PYGL: variants seen among roughly 807,000 people sequenced by gnomAD.
The protein encoded by PYGL is glycogen phosphorylase L, also known as glycogen phosphorylase, liver form.
Under a neutral mutation model 100.1 loss-of-function variants are expected in PYGL, and 90 were observed. The ratio of observed to expected loss-of-function variants is 0.90; its 90% CI spans 0.76 to 1.07. PYGL has a LOEUF of 1.07. Ranked by LOEUF, PYGL falls within the 50% of genes least tolerant of loss-of-function variation. The probability of loss-of-function intolerance (pLI) is 0.00; values close to 1 mark genes in which losing one functional copy is unlikely to be tolerated. For missense variants in PYGL, 1,016 were observed against 1,057.6 expected (o/e 0.96, Z 0.55); for synonymous variants, 373 against 393.0 (o/e 0.95, Z 0.60).
intron 3 of PYGL, among the ~76,000 whole-genome samples, chr14:50,932,236 A>T (rs2050608188): frequency 6.6e-6 from 1 of 152,194 alleles, no homozygotes; most frequent in Non-Finnish European, 1.5e-5. Context: ...ACTGACTGAC[A>T]AGATATTCTG....
At chr14:50,913,219 C>T (rs1454641038) in intron 12 of PYGL, 89 bp from the exon 13 acceptor site, 1 of 1,031,020 alleles carries the variant, frequency 9.7e-7, no homozygotes, top group East Asian at 2.5e-5. Flanking sequence ...TCTCTGTCAC[C>T]TACCACAGTG....
rs2050733375 is a variant in PYGL, at chr14:50,944,453, G to C, written c.-50C>G. The stretch of plus-strand genomic sequence containing the variant: ...GGGCTGCGCAGAGAGCTGGAAGTGC[G>C]GCCGGAGGCGCTGGGCTGCCGGGCA... On this transcript the variant is annotated 5_prime_UTR_variant, in exon 1 of 20. Transcript: ENST00000216392. The C allele has an allele frequency of 1.3e-6, 2 of 1,545,460 alleles. No individual in the cohort carries two copies. The highest frequency in any genetic ancestry group is 1.7e-6 in the Non-Finnish European group (2 of 1,148,962).
At chr14:50,914,496 CAAT>C (rs58316457) in intron 12 of PYGL, among the ~76,000 whole-genome samples, 18 of 148,522 alleles carry the variant, frequency 1.2e-4, no homozygotes, top group South Asian at 2.2e-4. Flanking sequence ...AACTCTGTCT[CAAT>C]AATAATAATA....
intron 4 of PYGL, among the ~76,000 whole-genome samples, chr14:50,927,579 G>A (rs1258099709): frequency 6.6e-6 from 1 of 152,166 alleles, no homozygotes; most frequent in African/African-American, 2.4e-5. Flanking sequence ...GCCATCAAAT[G>A]TTGGTTGAAT....
At chr14:50,943,840 T>C (rs899160595) in intron 1 of PYGL, among the ~76,000 whole-genome samples, 1 of 152,186 alleles carries the variant, frequency 6.6e-6, no homozygotes, top group East Asian at 1.9e-4. Context: ...GAGTCAAAGT[T>C]CCAAAAAAGT....
At position 50,934,122 on chromosome 14, in the gene PYGL, G is replaced by A. The variant is rs117787218; in HGVS notation, c.424+985C>T. 6.9e-3 allele frequency among the ~76,000 whole-genome samples: 1,048 copies of A among 152,132 alleles called. 6 individuals carry two copies. The highest frequency in any genetic ancestry group is 0.012 in the Non-Finnish European group (795 of 67,998). Reference sequence around the variant, plus strand: ...GTGTATTTTCTAAACTAATGGAGCTGGTATTGTATTTTTAGTGCTTTCCTA... The same window carrying A: ...GTGTATTTTCTAAACTAATGGAGCTAGTATTGTATTTTTAGTGCTTTCCTA... On this transcript the variant is annotated intron_variant, in intron 3 of 19. Coordinates refer to ENST00000216392, the MANE Select transcript of PYGL (RefSeq NM_002863.5).
intron 17 of PYGL, among the ~76,000 whole-genome samples, chr14:50,909,666 A>G (rs906026831): frequency 9.2e-5 from 14 of 152,246 alleles, no homozygotes; most frequent in Admixed American, 9.2e-4. Flanking sequence ...GCAATGGCCG[A>G]TAACAAATAG....
In PYGL at chr14:50,921,081, C is replaced by A. The variant is rs776992536; in HGVS notation, c.661-14G>T. ...AGCCAGGACCACCTGTGGGATTAAA[C>A]AGAAGCAGCTGCTCATTGTTTCCCA... On this transcript the variant is annotated splice_polypyrimidine_tract_variant and intron_variant, in intron 5 of 19. Coordinates refer to ENST00000216392, the MANE Select transcript of PYGL (RefSeq NM_002863.5). 2.5e-6 allele frequency: 4 copies of A among 1,582,000 alleles called. No individual in the cohort carries two copies. In the African/African-American group the frequency reaches 4.0e-5, roughly 16 times the overall value.
intron 19 of PYGL, among the ~76,000 whole-genome samples, chr14:50,907,559 G>A (rs2050346966): frequency 6.6e-6 from 1 of 152,120 alleles, no homozygotes; most frequent in African/African-American, 2.4e-5. Flanking sequence ...GCTCCTTGAG[G>A]GAGGGGAGGG....
chr14:50,940,632 C>T (rs190353995), intron 1 of PYGL, among the ~76,000 whole-genome samples: 4 of 152,298 alleles, frequency 2.6e-5, no homozygotes, highest in African/African-American at 9.6e-5. Context: ...TGGCCATACT[C>T]TTACTTACTG....
chr14:50,919,637 T>C (rs1479166089), intron 7 of PYGL, among the ~76,000 whole-genome samples: 1 of 151,806 alleles, frequency 6.6e-6, no homozygotes, highest in East Asian at 1.9e-4. Context: ...CAAGAATCAA[T>C]AGCAGTTATC....
At position 50,914,819 on chromosome 14, in the gene PYGL, G is replaced by C; in HGVS notation, c.1404-4C>G. 6.2e-7 allele frequency: 1 copy of C among 1,600,828 alleles called. No homozygotes were observed. Among genetic ancestry groups the C allele is most frequent in the South Asian group, 1.1e-5 (1 of 90,776 alleles). On this transcript the variant is annotated splice_region_variant and splice_polypyrimidine_tract_variant and intron_variant, in intron 11 of 19. Transcript: ENST00000216392. ...TAGCTCACTGAAGTCCTTGAATCTG[G>C]AGATGGAGGAGACACATCACTGAAT...
intron 7 of PYGL, among the ~76,000 whole-genome samples, chr14:50,919,401 A>T (rs1416327370): frequency 4.6e-5 from 7 of 152,198 alleles, no homozygotes; most frequent in African/African-American, 1.7e-4. Flanking sequence ...AGCAAAATCC[A>T]CATAATCATC....
chr14:50,941,298 C>T (rs961245181), intron 1 of PYGL, among the ~76,000 whole-genome samples: 16 of 151,984 alleles, frequency 1.1e-4, no homozygotes, highest in East Asian at 5.8e-4. Flanking sequence ...TGACCACAGG[C>T]GCTAAAAATT....
intron 1 of PYGL, among the ~76,000 whole-genome samples, chr14:50,939,122 CCT>C (rs1366096919): frequency 2.0e-5 from 3 of 152,176 alleles, no homozygotes; most frequent in African/African-American, 7.2e-5. Context: ...CTCACTGCAA[CCT>C]CTGTCTCCTA....
chr14:50,943,088 A>AT (rs947496036), intron 1 of PYGL, among the ~76,000 whole-genome samples: 16 of 151,158 alleles, frequency 1.1e-4, no homozygotes, highest in South Asian at 2.1e-4. Flanking sequence ...ATTATAGACC[A>AT]TTTTTTTTTC....
rs780893472 is a variant in PYGL, at chr14:50,912,146, G to T, written c.1768+10C>A. 7.4e-6 allele frequency: 12 copies of T among 1,614,082 alleles called. No individual in the cohort carries two copies. Among genetic ancestry groups the T allele is most frequent in the Non-Finnish European group, 1.0e-5 (12 of 1,180,060 alleles). On this transcript the variant is annotated intron_variant, in intron 14 of 19. Transcript: ENST00000216392. The stretch of plus-strand genomic sequence containing the variant: ...TGCAAGGGGGCTTGTTGGCTACAGG[G>T]CTGACTCACGGTTGTACATCGTGAT...
chr14:50,931,563 C>T, intron 4 of PYGL, 110 bp downstream of exon 4: 4 of 1,021,024 alleles, frequency 3.9e-6, no homozygotes, highest in Non-Finnish European at 6.0e-6. Context: ...AACCAAATGC[C>T]AGAGAAATTA....
intron 3 of PYGL, among the ~76,000 whole-genome samples, chr14:50,934,371 A>G (rs927043972): frequency 7.2e-5 from 11 of 152,188 alleles, no homozygotes; most frequent in Admixed American, 7.2e-4. Flanking sequence ...ATAAAACAAC[A>G]GCAACTTAAC....
Sources: allele counts gnomAD v4.1 joint callset (sites outside exome capture counted in the v4.1 genomes callset), GRCh38; gene constraint gnomAD v4.1.1; transcripts MANE v1.5; gene names NCBI Gene and HGNC (gene_info 2026-07-23, HGNC 2026-07-21).